PPIAL4G: variants seen among roughly 807,000 people sequenced by gnomAD.
PPIAL4G encodes peptidylprolyl isomerase A like 4G, also known as peptidyl-prolyl cis-trans isomerase A-like 4G.
PPIAL4G carries 3 observed loss-of-function variants against 7.8 expected under a neutral mutation model. That is an observed-to-expected ratio of 0.39 (90% CI 0.18 to 1.00). The LOEUF (loss-of-function observed/expected upper bound fraction) is 1.00. Among genes scored for constraint, PPIAL4G ranks in the 50% least tolerant of loss-of-function variants. The probability of loss-of-function intolerance (pLI) is 0.37; values close to 1 mark genes in which losing one functional copy is unlikely to be tolerated. For synonymous variants in PPIAL4G, 42 were observed against 73.3 expected, an observed-to-expected ratio of 0.57 and a Z score of 2.18; for missense variants, 133 against 208.6, an observed-to-expected ratio of 0.64 and a Z score of 2.23.
Position 148,483,220 on chromosome 1 carries a change from G to C in PPIAL4G, c.33C>G (p.Thr11=), listed in dbSNP as rs1465142768. The C allele has an allele frequency of 6.2e-7, 1 of 1,613,638 alleles. No homozygotes were observed. The highest frequency in any genetic ancestry group is 1.3e-5 in the African/African-American group (1 of 74,884). The part of the protein sequence containing the change: MVNSVIFFDI[T]VDGKPLGRIS... The stretch of plus-strand genomic sequence containing the variant: ...TGCGGCCCAAGGGCTTGCCGTCGAC[G>C]GTGATGTCAAAAAAGATGACGGAGT... The change falls in exon 1 of 1, where the codon ACC becomes ACG. Residue 11 remains threonine (T), a synonymous_variant. Coordinates refer to ENST00000419275, the MANE Select transcript of PPIAL4G (RefSeq NM_001123068.3).
At position 148,482,577 on chromosome 1, in the gene PPIAL4G, A is replaced by G; in HGVS notation, c.*181T>C. On this transcript the variant is annotated 3_prime_UTR_variant, in exon 1 of 1. Coordinates refer to ENST00000419275, the MANE Select transcript of PPIAL4G (RefSeq NM_001123068.3). ...TACTTAGTTTTTATTTCATAATCATAAACTTAACTCTGCAATCCAGCTAGG... is the reference window on the plus strand; with the variant it reads ...TACTTAGTTTTTATTTCATAATCATGAACTTAACTCTGCAATCCAGCTAGG... The G allele has an allele frequency of 7.6e-7, 1 of 1,321,010 alleles. No homozygotes were observed. Among genetic ancestry groups the G allele is most frequent in the Non-Finnish European group, 1.0e-6 (1 of 975,850 alleles). The allele number at this position is 1,321,010 out of a possible 1,614,324, so 81.8% of individuals were successfully genotyped here. A position where few individuals can be genotyped will look rare whatever the true frequency, so the allele number is the denominator to read the frequency against.
rs1651926581 is a variant in PPIAL4G, at chr1:148,483,078, C to G, written c.175G>C (p.Gly59Arg). 1 of 1,613,226 alleles carries G rather than the reference C, an allele frequency of 6.2e-7. No individual in the cohort carries two copies. Among genetic ancestry groups the G allele is most frequent in the South Asian group, 1.1e-5 (1 of 91,038 alleles). The change falls in exon 1 of 1, where the codon GGG becomes CGG. Residue 59 changes from glycine (G) to arginine (R), a missense_variant. Gly to Arg is a moderately radical substitution (Grantham distance 125, BLOSUM62 -2). Coordinates refer to ENST00000419275, the MANE Select transcript of PPIAL4G (RefSeq NM_001123068.3). Reference sequence around the variant, plus strand: ...AAGTCACCACCCTGACACATAAACCCTGGAATAATTCTGTGAAAGCAGGAA... The same window carrying G: ...AAGTCACCACCCTGACACATAAACCGTGGAATAATTCTGTGAAAGCAGGAA... ...KGSCFHRIIPGFMCQGGDFTH... is the reference protein window; with the variant it reads ...KGSCFHRIIPRFMCQGGDFTH...
In PPIAL4G at chr1:148,482,750, C is replaced by G; in HGVS notation, c.*8G>C. On this transcript the variant is annotated 3_prime_UTR_variant, in exon 1 of 1. Coordinates refer to ENST00000419275, the MANE Select transcript of PPIAL4G (RefSeq NM_001123068.3). The stretch of plus-strand genomic sequence containing the variant: ...CTGGTGGTGAAAATAAAACACAAGT[C>G]AAACTCATTAGAATTGTCCACAGTC... 2.6e-6 allele frequency: 3 copies of G among 1,149,996 alleles called. No homozygotes were observed. The highest frequency in any genetic ancestry group is 3.7e-6 in the Non-Finnish European group (3 of 815,370). The allele number at this position is 1,149,996 out of a possible 1,614,324, so 71.2% of individuals were successfully genotyped here.
chr1:148,482,781 T>G lies in PPIAL4G; in HGVS notation c.472A>C (p.Ile158Leu). Residue 158 changes from isoleucine (I) to leucine (L), a missense_variant, in exon 1 of 1, where the codon ATT (isoleucine) becomes CTT (leucine). Physicochemically the swap from Ile to Leu is conservative, Grantham distance 5 (BLOSUM62 2). This residue lies in a region of PPIAL4G where 28 missense variants were observed against 101.5 expected (regional missense o/e 0.28). Coordinates refer to ENST00000419275, the MANE Select transcript of PPIAL4G (RefSeq NM_001123068.3). ...CATTAGAATTGTCCACAGTCAGCAA[T>G]GGTGATCTTCTTGCTGGTCTTGCTA... is the stretch of plus-strand genomic sequence containing the variant. ...RNSKTSKKIT[I>L]ADCGQF The G allele has an allele frequency of 1.5e-6, 2 of 1,312,282 alleles. No homozygotes were observed. The highest frequency in any genetic ancestry group is 2.6e-5 in the South Asian group (2 of 76,764). 81.3% of individuals were successfully genotyped at this position (1,312,282 alleles called of 1,614,324 possible).
chr1:148,483,060 C>T lies in PPIAL4G; in HGVS notation c.193G>A (p.Gly65Ser). The change falls in exon 1 of 1, where the codon GGT (glycine) becomes AGT (serine). Residue 65 changes from glycine (G) to serine (S), a missense_variant. Physicochemically the swap from Gly to Ser is moderately conservative, Grantham distance 56. Around this residue, in one of 2 missense-constraint regions of PPIAL4G, gnomAD observed 105 missense variants for 107.1 expected, o/e 0.98. Transcript: ENST00000419275. ...RIIPGFMCQG[G>S]DFTHPNGTGD... ...GTGCCATTAGGGTGTGTGAAGTCAC[C>T]ACCCTGACACATAAACCCTGGAATA... 3 of 1,613,286 alleles carry T rather than the reference C, an allele frequency of 1.9e-6. No individual in the cohort carries two copies. The highest frequency in any genetic ancestry group is 1.1e-5 in the South Asian group (1 of 91,028).
Position 148,482,933 on chromosome 1 carries a change from G to T in PPIAL4G, c.320C>A (p.Thr107Lys). ...GCAGATGAAAAACTGGGAACCATTT[G>T]TGTTGGGTCCAGCATTTGCCATGGA... is the stretch of plus-strand genomic sequence containing the variant. ...ILSMANAGPN[T>K]NGSQFFICTA... The change falls in exon 1 of 1, where the codon ACA (threonine) becomes AAA (lysine). Residue 107 changes from threonine to lysine, a missense_variant. Physicochemically the swap from Thr to Lys is moderately conservative, Grantham distance 78 (BLOSUM62 -1). This residue lies in a region of PPIAL4G where 28 missense variants were observed against 101.5 expected (regional missense o/e 0.28). Transcript: ENST00000419275. 2 of 1,610,528 alleles carry T rather than the reference G, an allele frequency of 1.2e-6. No individual in the cohort carries two copies. Among genetic ancestry groups the T allele is most frequent in the Non-Finnish European group, 1.7e-6 (2 of 1,179,068 alleles).
chr1:148,483,229 A>T lies in PPIAL4G; in HGVS notation c.24T>A (p.Phe8Leu). The T allele has an allele frequency of 6.2e-6, 10 of 1,613,764 alleles. No individual in the cohort carries two copies. Among genetic ancestry groups the T allele is most frequent in the Non-Finnish European group, 8.5e-6 (10 of 1,179,880 alleles). ...AGGGCTTGCCGTCGACGGTGATGTC[A>T]AAAAAGATGACGGAGTTGACCATGG... MVNSVIF[F>L]DITVDGKPLG... The change falls in exon 1 of 1, where the codon TTT (phenylalanine) becomes TTA (leucine). Residue 8 changes from phenylalanine (F) to leucine (L), a missense_variant. This residue lies in a region of PPIAL4G where 105 missense variants were observed against 107.1 expected (regional missense o/e 0.98). Transcript: ENST00000419275.
In PPIAL4G at chr1:148,482,988, T is replaced by C; in HGVS notation, c.265A>G (p.Ile89Val). Residue 89 changes from isoleucine (I) to valine (V), a missense_variant, in exon 1 of 1, where the codon ATC (isoleucine) becomes GTC (valine). Transcript: ENST00000419275. ...ATGCCAGAACCTGTATGCTTTCGGA[T>C]GAGGTTCTCATCATCAAATTTCTCC... ...YGEKFDDENL[I>V]RKHTGSGILS... is the part of the protein sequence containing the mutation. 1 of 1,612,200 alleles carries C rather than the reference T, an allele frequency of 6.2e-7. No homozygotes were observed. The highest frequency in any genetic ancestry group is 1.1e-5 in the South Asian group (1 of 90,988).
chr1:148,482,907 T>A lies in PPIAL4G; in HGVS notation c.346A>T (p.Thr116Ser). Residue 116 changes from threonine (T) to serine (S), a missense_variant, in exon 1 of 1, where the codon ACT becomes TCT. Thr to Ser is a moderately conservative substitution (Grantham distance 58). This residue lies in a region of PPIAL4G where 28 missense variants were observed against 101.5 expected (regional missense o/e 0.28). Coordinates refer to ENST00000419275, the MANE Select transcript of PPIAL4G (RefSeq NM_001123068.3). ...NTNGSQFFIC[T>S]AKTEWLDGKH... ...CCATCCAACCACTCAGTCTTGGCAGTGCAGATGAAAAACTGGGAACCATTT... is the reference window on the plus strand; with the variant it reads ...CCATCCAACCACTCAGTCTTGGCAGAGCAGATGAAAAACTGGGAACCATTT... 1 of 1,608,680 alleles carries A rather than the reference T, an allele frequency of 6.2e-7. No homozygotes were observed. The highest frequency in any genetic ancestry group is 1.1e-5 in the South Asian group (1 of 90,854).
rs1570824745 is a variant in PPIAL4G, at chr1:148,483,072, T to C, written c.181A>G (p.Met61Val). 1 of 1,613,364 alleles carries C rather than the reference T, an allele frequency of 6.2e-7. No homozygotes were observed. Among genetic ancestry groups the C allele is most frequent in the East Asian group, 2.2e-5 (1 of 44,892 alleles). ...SCFHRIIPGF[M>V]CQGGDFTHPN... ...TGTGTGAAGTCACCACCCTGACACA[T>C]AAACCCTGGAATAATTCTGTGAAAG... The change falls in exon 1 of 1, where the codon ATG becomes GTG. Residue 61 changes from methionine to valine, a missense_variant. Around this residue, in one of 2 missense-constraint regions of PPIAL4G, gnomAD observed 105 missense variants for 107.1 expected, o/e 0.98. Transcript: ENST00000419275.
Position 148,482,959 on chromosome 1 carries a change from C to A in PPIAL4G, c.294G>T (p.Leu98Phe), listed in dbSNP as rs1311524695. The change falls in exon 1 of 1, where the codon TTG becomes TTT. Residue 98 changes from leucine (L) to phenylalanine (F), a missense_variant. Leu to Phe is a conservative substitution (Grantham distance 22). Transcript: ENST00000419275. ...TGTTGGGTCCAGCATTTGCCATGGA[C>A]AAGATGCCAGAACCTGTATGCTTTC... is the stretch of plus-strand genomic sequence containing the variant. ...LIRKHTGSGI[L>F]SMANAGPNTN... 6.2e-7 allele frequency: 1 copy of A among 1,611,592 alleles called. No individual in the cohort carries two copies. The highest frequency in any genetic ancestry group is 1.7e-5 in the Admixed American group (1 of 59,946).
In PPIAL4G at chr1:148,483,107, T is replaced by C. The variant is rs1263286024; in HGVS notation, c.146A>G (p.Lys49Arg). ...LSTGEKGFRY[K>R]GSCFHRIIPG... ...AATAATTCTGTGAAAGCAGGAACCC[T>C]TATAACGAAATCCTTTCTCTCCAGT... is the stretch of plus-strand genomic sequence containing the variant. Residue 49 changes from lysine (K) to arginine (R), a missense_variant, in exon 1 of 1, where the codon AAG becomes AGG. Coordinates refer to ENST00000419275, the MANE Select transcript of PPIAL4G (RefSeq NM_001123068.3). 37 of 1,613,328 alleles carry C rather than the reference T, an allele frequency of 2.3e-5. No homozygotes were observed. Among genetic ancestry groups the C allele is most frequent in the Non-Finnish European group, 2.7e-5 (32 of 1,179,868 alleles).
Position 148,482,597 on chromosome 1 carries a change from G to T in PPIAL4G, c.*161C>A, listed in dbSNP as rs1239865690. The T allele has an allele frequency of 1.1e-4, 141 of 1,284,534 alleles. No individual in the cohort carries two copies. The African/African-American group carries it at 2.0e-3, about 18-fold the overall frequency. 79.6% of individuals were successfully genotyped at this position (1,284,534 alleles called of 1,614,324 possible). A position where few individuals can be genotyped will look rare whatever the true frequency, so the allele number is the denominator to read the frequency against. ...ATCATAAACTTAACTCTGCAATCCA[G>T]CTAGGCATGGAAGGGAACAAGGAAA... On this transcript the variant is annotated 3_prime_UTR_variant, in exon 1 of 1. Transcript: ENST00000419275.
chr1:148,483,240 C>A lies in PPIAL4G; in HGVS notation c.13G>T (p.Val5Phe), dbSNP rs782231038. MVNS[V>F]IFFDITVDGK... ...TCGACGGTGATGTCAAAAAAGATGACGGAGTTGACCATGGCTGATAGTACA... is the reference window on the plus strand; with the variant it reads ...TCGACGGTGATGTCAAAAAAGATGAAGGAGTTGACCATGGCTGATAGTACA... Residue 5 changes from valine (V) to phenylalanine (F), a missense_variant, in exon 1 of 1, where the codon GTC (valine) becomes TTC (phenylalanine). By Grantham distance (50) the Val-to-Phe change is conservative. Around this residue, in one of 2 missense-constraint regions of PPIAL4G, gnomAD observed 105 missense variants for 107.1 expected, o/e 0.98. Transcript: ENST00000419275. 4 of 1,613,688 alleles carry A rather than the reference C, an allele frequency of 2.5e-6. No homozygotes were observed. The highest frequency in any genetic ancestry group is 3.4e-6 in the Non-Finnish European group (4 of 1,179,898).
chr1:148,482,659 A>G lies in PPIAL4G; in HGVS notation c.*99T>C. On this transcript the variant is annotated 3_prime_UTR_variant, in exon 1 of 1. Coordinates refer to ENST00000419275, the MANE Select transcript of PPIAL4G (RefSeq NM_001123068.3). ...AAAGGGAACTGCAGCAAGAGCACAAAGATTCTAGGATATTGCAAGCAAATG... is the reference window on the plus strand; with the variant it reads ...AAAGGGAACTGCAGCAAGAGCACAAGGATTCTAGGATATTGCAAGCAAATG... The G allele has an allele frequency of 1.2e-6, 1 of 816,094 alleles. No homozygotes were observed. Among genetic ancestry groups the G allele is most frequent in the Non-Finnish European group, 1.9e-6 (1 of 523,862 alleles). The allele number at this position is 816,094 out of a possible 1,614,324, so 50.6% of individuals were successfully genotyped here.
rs61824236 is a variant in PPIAL4G, at chr1:148,482,639, G to A, written c.*119C>T. The A allele has an allele frequency of 0.16, 143,552 of 924,050 alleles. 11,608 individuals carry two copies. Among genetic ancestry groups the A allele is most frequent in the East Asian group, 0.3 (11,801 of 38,916 alleles). 57.2% of individuals were successfully genotyped at this position (924,050 alleles called of 1,614,324 possible). A position where few individuals can be genotyped will look rare whatever the true frequency, so the allele number is the denominator to read the frequency against. On this transcript the variant is annotated 3_prime_UTR_variant, in exon 1 of 1. Transcript: ENST00000419275. ...ACAAGGAAAACATGGAACCCAAAGG[G>A]AACTGCAGCAAGAGCACAAAGATTC...
chr1:148,483,179 A>C lies in PPIAL4G; in HGVS notation c.74T>G (p.Phe25Cys). ...KPLGRISIKQ[F>C]ADKIPKTAEN... ...TGCTGTCTTTGGAATCTTGTCTGCA[A>C]ACTGTTTGATGGAGATGCGGCCCAA... is the stretch of plus-strand genomic sequence containing the variant. The change falls in exon 1 of 1, where the codon TTT becomes TGT. Residue 25 changes from phenylalanine (F) to cysteine (C), a missense_variant. Physicochemically the swap from Phe to Cys is radical, Grantham distance 205 (BLOSUM62 -2). This residue lies in a region of PPIAL4G where 105 missense variants were observed against 107.1 expected (regional missense o/e 0.98). Transcript: ENST00000419275. 2 of 1,613,898 alleles carry C rather than the reference A, an allele frequency of 1.2e-6. No homozygotes were observed. Among genetic ancestry groups the C allele is most frequent in the Admixed American group, 1.7e-5 (1 of 60,022 alleles).
At position 148,483,174 on chromosome 1, in the gene PPIAL4G, C is replaced by T. The variant is rs587757316; in HGVS notation, c.79G>A (p.Asp27Asn). ...TTTTCTGCTGTCTTTGGAATCTTGT[C>T]TGCAAACTGTTTGATGGAGATGCGG... is the stretch of plus-strand genomic sequence containing the variant. ...LGRISIKQFA[D>N]KIPKTAENFR... The change falls in exon 1 of 1, where the codon GAC becomes AAC. Residue 27 changes from aspartate to asparagine, a missense_variant. Physicochemically the swap from Asp to Asn is conservative, Grantham distance 23 (BLOSUM62 1). Transcript: ENST00000419275. 3.3e-5 allele frequency: 54 copies of T among 1,613,790 alleles called. No individual in the cohort carries two copies. The highest frequency in any genetic ancestry group is 2.3e-4 in the Admixed American group (14 of 60,000).
rs1380036846 is a variant in PPIAL4G at position 148,482,992 on chromosome 1, G to A, written c.261C>T (p.Asn87=). ...SIYGEKFDDE[N]LIRKHTGSGI... is the part of the protein sequence containing the mutation. ...CAGAACCTGTATGCTTTCGGATGAG[G>A]TTCTCATCATCAAATTTCTCCCCAT... The change falls in exon 1 of 1, where the codon AAC becomes AAT. Residue 87 remains asparagine (N), a synonymous_variant. Coordinates refer to ENST00000419275, the MANE Select transcript of PPIAL4G (RefSeq NM_001123068.3). 5.0e-6 allele frequency: 8 copies of A among 1,612,128 alleles called. No individual in the cohort carries two copies. The highest frequency in any genetic ancestry group is 6.8e-6 in the Non-Finnish European group (8 of 1,179,856).
Sources: gnomAD v4.1 joint callset for allele counts on GRCh38, gnomAD v4.1.1 for gene constraint, gnomAD v4.1.1 regional missense constraint, MANE v1.5 for transcripts, NCBI Gene and HGNC (gene_info 2026-07-23, HGNC 2026-07-21) for gene names.